The following STPG2 variants were observed in gnomAD, a reference collection of about 807,000 sequenced individuals.
STPG2 encodes the protein sperm tail PG-rich repeat containing 2.
In STPG2, 56 loss-of-function variants were observed where a neutral mutation model predicts 54.2. The observed-to-expected ratio is 1.03, with a 90% CI of 0.83 to 1.29. The LOEUF (loss-of-function observed/expected upper bound fraction) is 1.29, where lower values mean the gene tolerates loss of function less well. STPG2 is among the 50% of genes most tolerant of loss of function. The pLI is 0.00. For missense variants in STPG2, 596 were observed against 544.9 expected, an observed-to-expected ratio of 1.09 and a Z score of -0.93; for synonymous variants, 200 against 181.8, an observed-to-expected ratio of 1.10 and a Z score of -0.81.
At chr4:97,540,956 G>A (rs906728181) in intron 4 of STPG2, among the ~76,000 whole-genome samples, 1 of 152,088 alleles carries the variant, frequency 6.6e-6, no homozygotes, top group African/African-American at 2.4e-5. Flanking sequence ...ATTAGGTATG[G>A]ATGGGGCTTA....
intron 8 of STPG2, chr4:97,916,313 G>T (rs888581544): frequency 6.6e-6 from 1 of 152,568 alleles, no homozygotes; most frequent in African/African-American, 2.4e-5. Context: ...GTTGAGTTTT[G>T]ATCTGGACAT....
chr4:97,936,580 T>C (rs1237938313), intron 8 of STPG2, among the ~76,000 whole-genome samples: 1 of 152,170 alleles, frequency 6.6e-6, no homozygotes, highest in Admixed American at 6.5e-5. Context: ...CTGGTGGTAA[T>C]GAATTCCCTC....
intron 5 of STPG2, among the ~76,000 whole-genome samples, chr4:98,054,617 A>T (rs1472184335): frequency 1.3e-5 from 2 of 152,188 alleles, no homozygotes; most frequent in Non-Finnish European, 2.9e-5. Flanking sequence ...ACTGTAAAAT[A>T]AAATTCTTAT....
chr4:98,001,503 A>T, intron 5 of STPG2, among the ~76,000 whole-genome samples: 1 of 152,200 alleles, frequency 6.6e-6, no homozygotes, highest in South Asian at 2.1e-4. Context: ...TTTTAAAAGG[A>T]AAAGAAACAT....
At position 97,460,253 on chromosome 4, in the gene STPG2, C is replaced by CTAACA. The variant is rs142260721; in HGVS notation, c.462+252445_462+252446insTGTTA. Reference sequence around the variant, plus strand: ...AAAATTTCAATATTGTTCCTCAGACCTGTGATAGCTTCCTTCTCTGCTTTA... The same window carrying CTAACA: ...AAAATTTCAATATTGTTCCTCAGACCTAACATGTGATAGCTTCCTTCTCTGCTTTA... On this transcript the variant is annotated intron_variant, in intron 4 of 4. Coordinates refer to the STPG2 transcript ENST00000522676. Among the ~76,000 whole-genome samples the CTAACA allele has an allele frequency of 1.7e-3, 261 of 152,176 alleles. 1 individual carries two copies. The highest frequency in any genetic ancestry group is 6.0e-3 in the African/African-American group (248 of 41,544).
chr4:97,466,034 A>G (rs1003084533), intron 4 of STPG2, among the ~76,000 whole-genome samples: 2 of 152,132 alleles, frequency 1.3e-5, no homozygotes, highest in African/African-American at 4.8e-5. Context: ...AAAATAGCCC[A>G]ATGGAGAAGT....
At chr4:97,817,901 T>C (rs186173214) in intron 9 of STPG2, among the ~76,000 whole-genome samples, 295 of 152,012 alleles carry the variant, frequency 1.9e-3, no homozygotes, top group Non-Finnish European at 2.0e-3. Context: ...CTGTCTTTTA[T>C]ATGCATCAGA....
intron 4 of STPG2, among the ~76,000 whole-genome samples, chr4:97,476,758 A>T (rs911589062): frequency 1.3e-5 from 2 of 152,198 alleles, no homozygotes; most frequent in Non-Finnish European, 1.5e-5. Context: ...GCATCCTTTA[A>T]AATAATTACA....
chr4:97,769,178 G>C (rs903201144), intron 9 of STPG2, among the ~76,000 whole-genome samples: 1 of 152,128 alleles, frequency 6.6e-6, no homozygotes, highest in African/African-American at 2.4e-5. Flanking sequence ...AGTCAGTTGG[G>C]GGACTTAGAG....
chr4:97,937,448 GAGA>G (rs571558308), intron 8 of STPG2, among the ~76,000 whole-genome samples: 37 of 151,740 alleles, frequency 2.4e-4, no homozygotes, highest in Non-Finnish European at 4.0e-4. Context: ...TCATTTCGAG[GAGA>G]AGAAGCACTC....
chr4:98,109,085 T>A, intron 4 of STPG2, 108 bp downstream of exon 4: 6 of 574,616 alleles, frequency 1.0e-5, no homozygotes, highest in South Asian at 4.4e-5. Flanking sequence ...CTTCTTGGAG[T>A]TTTTCATACT....
chr4:97,687,089 G>A (rs1242666187), intron 10 of STPG2, among the ~76,000 whole-genome samples: 1 of 151,198 alleles, frequency 6.6e-6, no homozygotes, highest in Non-Finnish European at 1.5e-5. Flanking sequence ...TACAGGCGCT[G>A]GCCACCACGC....
intron 7 of STPG2, among the ~76,000 whole-genome samples, chr4:97,955,517 A>T (rs1733643787): frequency 6.6e-6 from 1 of 152,176 alleles, no homozygotes; most frequent in Non-Finnish European, 1.5e-5. Context: ...ACCCGGCCTA[A>T]TACAGAAGAA....
intron 8 of STPG2, among the ~76,000 whole-genome samples, chr4:97,843,017 C>A (rs1322797870): frequency 6.6e-6 from 1 of 151,800 alleles, no homozygotes; most frequent in Non-Finnish European, 1.5e-5. Flanking sequence ...CACCTATATA[C>A]CATATAGTAC....
intron 8 of STPG2, among the ~76,000 whole-genome samples, chr4:97,935,390 A>G (rs1040790845): frequency 1.3e-5 from 2 of 151,848 alleles, no homozygotes; most frequent in Non-Finnish European, 2.9e-5. Context: ...TTCAGTTCCA[A>G]TCTGATCTTA....
intron 5 of STPG2, among the ~76,000 whole-genome samples, chr4:98,056,178 A>G (rs1214710500): frequency 2.0e-5 from 3 of 152,034 alleles, no homozygotes; most frequent in Non-Finnish European, 4.4e-5. Context: ...CCCCACCACC[A>G]CCAGCACCAC....
In STPG2 at chr4:97,970,633, T is replaced by C. The variant is rs1423864356; in HGVS notation, c.933+1647A>G. On this transcript the variant is annotated intron_variant, in intron 7 of 10. Transcript: ENST00000295268. ...TGTAGAAAGCTGAAACTGGATCCCT[T>C]CCTTACACCTTCTACAAAAATTAAT... 2.6e-5 allele frequency among the ~76,000 whole-genome samples: 4 copies of C among 152,300 alleles called. No individual in the cohort carries two copies. The East Asian group carries it at 7.7e-4, about 29-fold the overall frequency.
intron 5 of STPG2, among the ~76,000 whole-genome samples, chr4:98,006,813 G>A (rs1328146462): frequency 6.6e-6 from 1 of 152,176 alleles, no homozygotes; most frequent in Non-Finnish European, 1.5e-5. Flanking sequence ...TCAGGACTGG[G>A]AACTGAGCCC....
chr4:98,024,745 T>C (rs1392502986), intron 5 of STPG2, among the ~76,000 whole-genome samples: 1 of 152,242 alleles, frequency 6.6e-6, no homozygotes, highest in Non-Finnish European at 1.5e-5. Flanking sequence ...TTACTTTCAC[T>C]GTGCTTTCTC....
Sources: gnomAD v4.1 joint callset for allele counts (sites outside exome capture counted in the v4.1 genomes callset) on GRCh38, gnomAD v4.1.1 for gene constraint, MANE v1.5 for transcripts, NCBI Gene and HGNC (gene_info 2026-07-23, HGNC 2026-07-21) for gene names.